The following ZDHHC15 variants were observed in gnomAD, a reference collection of about 807,000 sequenced individuals.
ZDHHC15 encodes the protein palmitoyltransferase ZDHHC15.
In ZDHHC15, 19 loss-of-function variants were observed where a neutral mutation model predicts 31.7. The ratio of observed to expected loss-of-function variants is 0.60; its 90% CI spans 0.42 to 0.88. ZDHHC15 has a LOEUF of 0.88. Among genes scored for constraint, ZDHHC15 ranks in the 40% least tolerant of loss-of-function variants. The pLI, the probability that ZDHHC15 is intolerant of heterozygous loss-of-function variation, is 0.00. For synonymous variants in ZDHHC15, 103 were observed against 90.0 expected (o/e 1.14, Z -0.82); for missense variants, 209 against 251.2 (o/e 0.83, Z 1.14).
Position 75,523,017 on chromosome X carries a change from C to T in ZDHHC15, c.8G>A (p.Arg3Gln), listed in dbSNP as rs775854139. Reference sequence around the variant, plus strand: ...CCCAGACAGAGCCATCTTCCAGCCTCGCCGCATCTTTGGCTCGAAGATCGA... The same window carrying T: ...CCCAGACAGAGCCATCTTCCAGCCTTGCCGCATCTTTGGCTCGAAGATCGA... Reference protein sequence around the residue: MRRGWKMALSGGL... With the variant: MRQGWKMALSGGL... The change falls in exon 1 of 12, where the codon CGA (arginine) becomes CAA (glutamine). Residue 3 changes from arginine to glutamine, a missense_variant. Transcript: ENST00000373367. 1.2e-5 allele frequency: 14 copies of T among 1,208,444 alleles called. No individual in the cohort carries two copies. The East Asian group carries it at 3.3e-4, about 28-fold the overall frequency.
intron 4 of ZDHHC15, among the ~76,000 whole-genome samples, chrX:75,448,232 T>C (rs1023642983): frequency 1.4e-4 from 16 of 112,304 alleles, no homozygotes; most frequent in South Asian, 3.7e-4. Context: ...GCAGGACTAC[T>C]AATGACCCAG....
At chrX:75,423,528 G>A (rs969577193) in intron 8 of ZDHHC15, among the ~76,000 whole-genome samples, 15 of 103,531 alleles carry the variant, frequency 1.4e-4, no homozygotes, top group Non-Finnish European at 2.2e-4. Flanking sequence ...ACAGGATCTC[G>A]TTCTTTGTTA....
At chrX:75,517,970 CA>C (rs1452589032) in intron 1 of ZDHHC15, among the ~76,000 whole-genome samples, 1 of 107,361 alleles carries the variant, frequency 9.3e-6, no homozygotes, top group African/African-American at 3.4e-5. Flanking sequence ...GTATCAAAAA[CA>C]AAAACAAAAA....
At position 75,429,974 on chromosome X, in the gene ZDHHC15, C is replaced by T. The variant is rs1474146589; in HGVS notation, c.456G>A (p.Val152=). The T allele has an allele frequency of 8.3e-7, 1 of 1,209,056 alleles. No individual in the cohort carries two copies. The highest frequency in any genetic ancestry group is 2.2e-5 in the Admixed American group (1 of 45,747). ...CHHCSVCAMC[V]LKMDHHCPWV... ...AAGGGCAGTGATGATCCATTTTTAA[C>T]ACACACCTACGAAGGGGACAAAATA... The change falls in exon 6 of 12, where the codon GTG becomes GTA. Residue 152 remains valine, a synonymous_variant. Transcript: ENST00000373367.
chrX:75,427,030 T>A (rs762821470), intron 7 of ZDHHC15, among the ~76,000 whole-genome samples: 2 of 111,993 alleles, frequency 1.8e-5, no homozygotes, highest in African/African-American at 6.5e-5. Flanking sequence ...ACCATACAAA[T>A]GAAGGTTGCT....
At chrX:75,487,745 G>T (rs2084801300) in intron 2 of ZDHHC15, among the ~76,000 whole-genome samples, 1 of 111,791 alleles carries the variant, frequency 8.9e-6, no homozygotes, top group Non-Finnish European at 1.9e-5. Flanking sequence ...GGAGGCACCA[G>T]ACAAAGGTGA....
At chrX:75,374,358 CAT>C (rs1256184958) in intron 11 of ZDHHC15, among the ~76,000 whole-genome samples, 2 of 109,799 alleles carry the variant, frequency 1.8e-5, no homozygotes, top group African/African-American at 3.3e-5. Context: ...ACGTTCTGCA[CAT>C]GTGTCCCAGA....
At position 75,437,127 on chromosome X, in the gene ZDHHC15, C is replaced by T. The variant is rs189147835; in HGVS notation, c.380-5607G>A. Among the ~76,000 whole-genome samples, 79 of 111,036 alleles carry T rather than the reference C, an allele frequency of 7.1e-4. No homozygotes were observed. In the East Asian group the frequency reaches 0.017, roughly 24 times the overall value. ...TGATCGCCTTACCTCGTGATCCGCC[C>T]GCCCCGGCCACCCAAAGTGCTGGGA... is the stretch of plus-strand genomic sequence containing the variant. On this transcript the variant is annotated intron_variant, in intron 4 of 11. Transcript: ENST00000373367.
chrX:75,469,224 C>A lies in ZDHHC15; in HGVS notation c.258+9667G>T, dbSNP rs368573455. On this transcript the variant is annotated intron_variant, in intron 3 of 11. Transcript: ENST00000373367. The stretch of plus-strand genomic sequence containing the variant: ...AGGCCTTACATTTAAGCATTTGGTC[C>A]TTTTTAAAATAATGTGATAAATATG... Among the ~76,000 whole-genome samples the A allele has an allele frequency of 4.5e-5, 5 of 111,482 alleles. No individual in the cohort carries two copies. In the East Asian group the frequency reaches 1.4e-3, roughly 31 times the overall value.
At chrX:75,390,511 G>T (rs1011872570) in intron 10 of ZDHHC15, among the ~76,000 whole-genome samples, 1 of 111,750 alleles carries the variant, frequency 8.9e-6, no homozygotes, top group Admixed American at 9.5e-5. Flanking sequence ...CACAGAAAGA[G>T]ACTTTGTTTG....
chrX:75,458,100 T>C (rs1310594702), intron 3 of ZDHHC15, among the ~76,000 whole-genome samples: 1 of 111,979 alleles, frequency 8.9e-6, no homozygotes, highest in Non-Finnish European at 1.9e-5. Context: ...GGCTGAATGG[T>C]TAAACCAAGT....
chrX:75,473,688 G>C (rs959590774), intron 3 of ZDHHC15, among the ~76,000 whole-genome samples: 1 of 111,492 alleles, frequency 9.0e-6, no homozygotes, highest in Non-Finnish European at 1.9e-5. Flanking sequence ...GGAGTAGAAG[G>C]TGGTCATCAA....
intron 11 of ZDHHC15, among the ~76,000 whole-genome samples, chrX:75,378,185 CAA>C (rs1203885818): frequency 9.0e-6 from 1 of 110,977 alleles, no homozygotes; most frequent in African/African-American, 3.2e-5. Flanking sequence ...ACCTGAGTTA[CAA>C]CCCTAGGTTG....
intron 1 of ZDHHC15, among the ~76,000 whole-genome samples, chrX:75,518,114 T>A (rs1342982793): frequency 1.5e-5 from 1 of 66,412 alleles, no homozygotes; most frequent in Non-Finnish European, 4.3e-5. Context: ...ACCAAAAGCA[T>A]AGGCAACAAA....
chrX:75,498,804 C>CA (rs752344671), intron 2 of ZDHHC15, among the ~76,000 whole-genome samples: 73 of 111,035 alleles, frequency 6.6e-4, no homozygotes, highest in Non-Finnish European at 1.1e-3. Context: ...TGTATGAAAC[C>CA]AAAAAAGAGC....
intron 3 of ZDHHC15, among the ~76,000 whole-genome samples, chrX:75,470,732 G>A (rs975963990): frequency 2.7e-5 from 3 of 111,330 alleles, no homozygotes; most frequent in Non-Finnish European, 5.7e-5. Context: ...CTCATCTTGT[G>A]GTCATTTCCC....
chrX:75,429,402 A>C (rs1021770599), intron 6 of ZDHHC15, among the ~76,000 whole-genome samples: 1 of 111,484 alleles, frequency 9.0e-6, no homozygotes, highest in African/African-American at 3.3e-5. Context: ...TTTCATTTAC[A>C]GGCACAGAAA....
chrX:75,432,420 A>G (rs1365034009), intron 4 of ZDHHC15, among the ~76,000 whole-genome samples: 2 of 112,300 alleles, frequency 1.8e-5, no homozygotes, highest in Non-Finnish European at 3.8e-5. Flanking sequence ...CAGTTAATTC[A>G]GCAGAGATTT....
At chrX:75,464,431 TAATAA>T (rs1206481639) in intron 3 of ZDHHC15, among the ~76,000 whole-genome samples, 1 of 110,071 alleles carries the variant, frequency 9.1e-6, no homozygotes, top group Non-Finnish European at 1.9e-5. Context: ...ACTTAAAGTA[TAATAA>T]AATAAAATAA....
Sources: allele counts gnomAD v4.1 joint callset (sites outside exome capture counted in the v4.1 genomes callset), GRCh38; gene constraint gnomAD v4.1.1; transcripts MANE v1.5; gene names NCBI Gene and HGNC (gene_info 2026-07-23, HGNC 2026-07-21).